LINGO2: variants seen among roughly 807,000 people sequenced by gnomAD.
LINGO2 encodes leucine rich repeat and Ig domain containing 2.
In LINGO2, 14 loss-of-function variants were observed where a neutral mutation model predicts 30.6. The ratio of observed to expected loss-of-function variants is 0.46; its 90% confidence interval spans 0.30 to 0.72. The LOEUF is 0.72. Ranked by LOEUF, LINGO2 falls within the 30% of genes least tolerant of loss-of-function variation. The pLI, the probability that LINGO2 is intolerant of heterozygous loss-of-function variation, is 0.07. For missense variants in LINGO2, 729 were observed against 751.7 expected (o/e 0.97, Z 0.35); for synonymous variants, 317 against 288.5 (o/e 1.10, Z -1.00).
chr9:28,190,219 G>T (rs991606477), intron 4 of LINGO2, among the ~76,000 whole-genome samples: 3 of 152,034 alleles, frequency 2.0e-5, no homozygotes, highest in Non-Finnish European at 4.4e-5. Flanking sequence ...GGCTTTAAGG[G>T]TTGATAAACT....
chr9:28,155,131 G>A (rs1828098465), intron 4 of LINGO2, among the ~76,000 whole-genome samples: 1 of 152,202 alleles, frequency 6.6e-6, no homozygotes, highest in South Asian at 2.1e-4. Flanking sequence ...CTGGCACATG[G>A]TGCTTTCCAC....
At chr9:28,882,056 C>T in the LINGO2 span, among the ~76,000 whole-genome samples, 6 of 152,202 alleles carry the variant, frequency 3.9e-5, no homozygotes, top group African/African-American at 1.4e-4. Context: ...TAGTAACTTT[C>T]ACACCAATGG....
chr9:28,249,100 G>T (rs1462751780), intron 4 of LINGO2, among the ~76,000 whole-genome samples: 2 of 151,758 alleles, frequency 1.3e-5, no homozygotes, highest in East Asian at 3.9e-4. Context: ...GGGGAAATGT[G>T]GTTTCTTTTT....
chr9:28,174,921 T>TGTGAGA (rs962695032), intron 4 of LINGO2, among the ~76,000 whole-genome samples: 87 of 133,412 alleles, frequency 6.5e-4, no homozygotes, highest in African/African-American at 1.5e-3. Context: ...TGTGTGTGTG[T>TGTGAGA]GAGAGAGAGA....
At chr9:29,210,947 C>T in the LINGO2 span, among the ~76,000 whole-genome samples, 1 of 152,136 alleles carries the variant, frequency 6.6e-6, no homozygotes, top group African/African-American at 2.4e-5. Flanking sequence ...AGAACATCTC[C>T]TTCTTTTAAA....
At chr9:28,700,363 C>G in the LINGO2 span, among the ~76,000 whole-genome samples, 1 of 152,052 alleles carries the variant, frequency 6.6e-6, no homozygotes, top group East Asian at 1.9e-4. Flanking sequence ...TTTACTTTCT[C>G]TAGAATCTCC....
At chr9:28,970,929 G>A in the LINGO2 span, among the ~76,000 whole-genome samples, 1,684 of 152,204 alleles carry the variant, frequency 0.011, 35 homozygotes, top group African/African-American at 0.038. Context: ...GGCATCACTC[G>A]TCCCTAAAGC....
chr9:28,635,610 T>A (rs924069141), intron 1 of LINGO2, among the ~76,000 whole-genome samples: 13 of 152,148 alleles, frequency 8.5e-5, no homozygotes, highest in Non-Finnish European at 1.8e-4. Context: ...CTGGAATTCA[T>A]ATTATGAAAT....
chr9:28,022,234 A>G (rs562824379), intron 4 of LINGO2, among the ~76,000 whole-genome samples: 1 of 152,190 alleles, frequency 6.6e-6, no homozygotes, highest in East Asian at 1.9e-4. Context: ...TTAACAGAAT[A>G]TCCTTGAAAT....
chr9:27,968,176 A>G lies in LINGO2; in HGVS notation c.-35-17470T>C, dbSNP rs538922273. The stretch of plus-strand genomic sequence containing the variant: ...GCAATACTATTCTAAAACAGCTTAT[A>G]GTCTAGTAAGGAAACTCTGTCCAGT... On this transcript the variant is annotated intron_variant, in intron 5 of 5. Transcript: ENST00000379992. 1.1e-4 allele frequency among the ~76,000 whole-genome samples: 16 copies of G among 152,262 alleles called. No homozygotes were observed. The East Asian group carries it at 3.1e-3, about 29-fold the overall frequency.
chr9:28,634,064 G>A (rs569097424), intron 1 of LINGO2, among the ~76,000 whole-genome samples: 4 of 152,138 alleles, frequency 2.6e-5, no homozygotes, highest in African/African-American at 9.7e-5. Flanking sequence ...AATGAGAGGG[G>A]CAGTGGTGAC....
intron 3 of LINGO2, among the ~76,000 whole-genome samples, chr9:28,364,663 T>A (rs766228482): frequency 1.3e-5 from 2 of 152,250 alleles, no homozygotes; most frequent in African/African-American, 4.8e-5. Flanking sequence ...ACTCTTGTAT[T>A]GTAGACAGTT....
the LINGO2 span, among the ~76,000 whole-genome samples, chr9:29,005,604 TG>T: frequency 6.6e-6 from 1 of 152,054 alleles, no homozygotes; most frequent in Non-Finnish European, 1.5e-5. Flanking sequence ...TTAATATAGT[TG>T]CCCCTCCGTA....
At chr9:28,063,263 A>T (rs1825211752) in intron 4 of LINGO2, among the ~76,000 whole-genome samples, 1 of 152,114 alleles carries the variant, frequency 6.6e-6, no homozygotes, top group African/African-American at 2.4e-5. Flanking sequence ...CTTACGAAGG[A>T]TTGTAAATGC....
At position 28,326,351 on chromosome 9, in the gene LINGO2, C is replaced by T. The variant is rs75895268; in HGVS notation, c.-245-30985G>A. On this transcript the variant is annotated intron_variant, in intron 3 of 5. Coordinates refer to ENST00000379992, the Ensembl canonical transcript of LINGO2. ...GTAGATAAAGTGTTTAGTTCTAGTG[C>T]GTGCCAATGTCGGTTTTTTCCTCAG... 1.4e-3 allele frequency among the ~76,000 whole-genome samples: 220 copies of T among 152,262 alleles called. 4 individuals are homozygous for T. In the East Asian group the frequency reaches 0.026, roughly 18 times the overall value.
chr9:28,573,395 A>G (rs1823800689), intron 1 of LINGO2, among the ~76,000 whole-genome samples: 1 of 152,174 alleles, frequency 6.6e-6, no homozygotes, highest in Non-Finnish European at 1.5e-5. Context: ...TTTAAATTAA[A>G]TGCAAAGACC....
At chr9:28,572,755 G>T (rs960550666) in intron 1 of LINGO2, among the ~76,000 whole-genome samples, 1 of 152,034 alleles carries the variant, frequency 6.6e-6, no homozygotes, top group African/African-American at 2.4e-5. Flanking sequence ...ACTACTCCGC[G>T]TATATTAGAC....
the LINGO2 span, among the ~76,000 whole-genome samples, chr9:29,117,294 C>A: frequency 7.9e-5 from 12 of 152,156 alleles, no homozygotes; most frequent in South Asian, 6.2e-4. Context: ...AAATGGCTTT[C>A]AGGGTGAAGG....
At position 28,168,963 on chromosome 9, in the gene LINGO2, G is replaced by A. The variant is rs367677536; in HGVS notation, c.-87+126245C>T. 2.7e-4 allele frequency among the ~76,000 whole-genome samples: 41 copies of A among 152,258 alleles called. No homozygotes were observed. In the South Asian group the frequency reaches 8.1e-3, roughly 30 times the overall value. ...ATAACAAGCACTTACTGAACAGCTG[G>A]TCTGTGCCAGGTACTATGTTAACTG... On this transcript the variant is annotated intron_variant, in intron 4 of 5. Coordinates refer to ENST00000379992, the Ensembl canonical transcript of LINGO2.
Sources: allele counts gnomAD v4.1 joint callset (sites outside exome capture counted in the v4.1 genomes callset), GRCh38; gene constraint gnomAD v4.1.1; transcripts MANE v1.5; gene names NCBI Gene and HGNC (gene_info 2026-07-23, HGNC 2026-07-21).